The following MYO3B variants were observed in gnomAD, a reference collection of about 807,000 sequenced individuals.
MYO3B encodes myosin IIIB.
In MYO3B, 156 loss-of-function variants were observed where a neutral mutation model predicts 174.6. The ratio of observed to expected loss-of-function variants is 0.89; its 90% CI spans 0.78 to 1.02. The LOEUF (loss-of-function observed/expected upper bound fraction) is 1.02, where lower values mean the gene tolerates loss of function less well. Ranked by LOEUF, MYO3B falls within the 50% of genes least tolerant of loss-of-function variation. The pLI, the probability that MYO3B is intolerant of heterozygous loss-of-function variation, is 0.00. For synonymous variants in MYO3B, 563 were observed against 569.1 expected, an observed-to-expected ratio of 0.99 and a Z score of 0.15; for missense variants, 1,632 against 1,639.4, an observed-to-expected ratio of 1.00 and a Z score of 0.08.
intron 7 of MYO3B, among the ~76,000 whole-genome samples, chr2:170,311,960 G>A (rs1341178617): frequency 6.6e-5 from 10 of 152,118 alleles, no homozygotes; most frequent in South Asian, 2.1e-4. Context: ...TGATCTGTAC[G>A]TCGCTTCTTA....
chr2:170,439,880 C>T (rs1379913655), intron 22 of MYO3B, among the ~76,000 whole-genome samples: 1 of 152,128 alleles, frequency 6.6e-6, no homozygotes, highest in East Asian at 1.9e-4. Context: ...TGGGGTTTCA[C>T]CATGTTAGCC....
intron 29 of MYO3B, among the ~76,000 whole-genome samples, chr2:170,518,142 G>C (rs1425063570): frequency 6.6e-6 from 1 of 152,044 alleles, no homozygotes; most frequent in African/African-American, 2.4e-5. Context: ...TTCCACACAA[G>C]AAATATTTAT....
chr2:170,229,157 G>A (rs16858001), intron 6 of MYO3B, among the ~76,000 whole-genome samples: 9,550 of 152,206 alleles, frequency 0.063, 390 homozygotes, highest in East Asian at 0.16. Flanking sequence ...TTCCAGAGAA[G>A]TTCTGACTTG....
intron 32 of MYO3B, among the ~76,000 whole-genome samples, chr2:170,586,914 A>G (rs940450355): frequency 6.6e-6 from 1 of 152,262 alleles, no homozygotes. Context: ...ACAATTGATT[A>G]TCCAAATATT....
chr2:170,400,402 CT>C (rs10676575), intron 17 of MYO3B, 88 bp downstream of exon 17: 122,374 of 974,094 alleles, frequency 0.13, 25 homozygotes, highest in South Asian at 0.16. Context: ...TTTGCTGGTC[CT>C]TTTTTTTTTT....
chr2:170,642,198 ATTCATTCATTCATTC>A (rs1009349046), intron 32 of MYO3B, among the ~76,000 whole-genome samples: 4 of 126,418 alleles, frequency 3.2e-5, no homozygotes, highest in African/African-American at 2.1e-4. Flanking sequence ...TCATTCACTC[ATTCATTCATTCATTC>A]TTCATTCATT....
intron 25 of MYO3B, among the ~76,000 whole-genome samples, chr2:170,497,068 G>T (rs1440007014): frequency 6.6e-6 from 1 of 152,112 alleles, no homozygotes; most frequent in Non-Finnish European, 1.5e-5. Flanking sequence ...AAATAGCAGA[G>T]GTAGGAAGGT....
chr2:170,447,909 G>C (rs1683329062), intron 23 of MYO3B, among the ~76,000 whole-genome samples: 1 of 152,172 alleles, frequency 6.6e-6, no homozygotes, highest in South Asian at 2.1e-4. Context: ...GTCAGTTTCT[G>C]GGTTGGGGCT....
At chr2:170,515,922 A>ATT (rs1559075189) in intron 29 of MYO3B, among the ~76,000 whole-genome samples, 1 of 152,132 alleles carries the variant, frequency 6.6e-6, no homozygotes, top group East Asian at 1.9e-4. Flanking sequence ...CCAGGAGAAC[A>ATT]TCAGTGTTTC....
In MYO3B at chr2:170,650,577, C is replaced by T. The variant is rs114172680; in HGVS notation, c.3734-1051C>T. On this transcript the variant is annotated intron_variant, in intron 32 of 34. Transcript: ENST00000408978. ...GTGTGTGTGTCTGTGTGTGTGTTGC[C>T]AAGAAATTAGAACTGCTGAATCCTG... Among the ~76,000 whole-genome samples, 723 of 149,790 alleles carry T rather than the reference C, an allele frequency of 4.8e-3. 9 individuals are homozygous for T. Among genetic ancestry groups the T allele is most frequent in the African/African-American group, 0.016 (669 of 40,634 alleles).
At chr2:170,637,171 GT>G (rs33947498) in intron 32 of MYO3B, among the ~76,000 whole-genome samples, 71,761 of 125,086 alleles carry the variant, frequency 0.57, 20,864 homozygotes, top group Non-Finnish European at 0.65. Flanking sequence ...AGAGTGTAGG[GT>G]TTTTTTTTTT....
At chr2:170,533,434 G>C (rs1355295513) in intron 30 of MYO3B, among the ~76,000 whole-genome samples, 1 of 147,282 alleles carries the variant, frequency 6.8e-6, no homozygotes, top group Non-Finnish European at 1.5e-5. Flanking sequence ...GTGGGGGGGG[G>C]GTGTGCAGTG....
chr2:170,652,013 C>A, intron 33 of MYO3B, 95 bp from the exon 34 acceptor site: 1 of 1,305,362 alleles, frequency 7.7e-7, no homozygotes, highest in Non-Finnish European at 1.1e-6. Flanking sequence ...CTGATATTAT[C>A]AGCATCTGCT....
In MYO3B at chr2:170,653,009, A is replaced by G. The variant is rs1297311560; in HGVS notation, c.3914A>G (p.Asp1305Gly). ...CAAATCAAAGTACTTGATGGGGAAG[A>G]TGAATATTACAAATCTCTGTCACCA... ...LGQIKVLDGEDEYYKSLSPVD... is the reference protein window; with the variant it reads ...LGQIKVLDGEGEYYKSLSPVD... The change falls in exon 35 of 35, where the codon GAT becomes GGT. Residue 1305 changes from aspartate (D) to glycine (G), a missense_variant. Asp to Gly is a moderately conservative substitution (Grantham distance 94). Transcript: ENST00000408978. 10 of 1,614,058 alleles carry G rather than the reference A, an allele frequency of 6.2e-6. No homozygotes were observed. Among genetic ancestry groups the G allele is most frequent in the African/African-American group, 1.3e-5 (1 of 74,928 alleles).
intron 28 of MYO3B, among the ~76,000 whole-genome samples, chr2:170,506,933 T>C (rs1175686569): frequency 6.6e-6 from 1 of 152,276 alleles, no homozygotes; most frequent in Non-Finnish European, 1.5e-5. Flanking sequence ...CACTCTTTTC[T>C]GTGTCTCTAT....
At chr2:170,309,195 A>G (rs1296371311) in intron 7 of MYO3B, among the ~76,000 whole-genome samples, 1 of 152,210 alleles carries the variant, frequency 6.6e-6, no homozygotes, top group Non-Finnish European at 1.5e-5. Context: ...CAAAAATATG[A>G]TAGTACAACT....
intron 32 of MYO3B, among the ~76,000 whole-genome samples, chr2:170,631,659 G>A (rs1425710047): frequency 6.6e-6 from 1 of 151,970 alleles, no homozygotes; most frequent in East Asian, 1.9e-4. Flanking sequence ...AGAGAGAAAG[G>A]TCGGGTTACC....
intron 25 of MYO3B, among the ~76,000 whole-genome samples, chr2:170,473,139 CTTTTTTT>C (rs66837903): frequency 2.1e-5 from 2 of 96,440 alleles, no homozygotes; most frequent in Non-Finnish European, 4.3e-5. Context: ...TTTTTCTTTT[CTTTTTTT>C]TTTTTTTTTT....
At chr2:170,366,464 A>G (rs962517922) in intron 8 of MYO3B, among the ~76,000 whole-genome samples, 1 of 151,164 alleles carries the variant, frequency 6.6e-6, no homozygotes, top group Non-Finnish European at 1.5e-5. Flanking sequence ...CTAATTTTTA[A>G]ATTATTTTTA....
Sources: gnomAD v4.1 joint callset for allele counts (sites outside exome capture counted in the v4.1 genomes callset) on GRCh38, gnomAD v4.1.1 for gene constraint, MANE v1.5 for transcripts, NCBI Gene and HGNC (gene_info 2026-07-23, HGNC 2026-07-21) for gene names.